The following CARMIL1 variants were observed in gnomAD, a reference collection of about 807,000 sequenced individuals.
CARMIL1 encodes the protein capping protein regulator and myosin 1 linker 1, also known as F-actin-uncapping protein LRRC16A.
A neutral mutation model predicts 177.1 loss-of-function variants in CARMIL1; 90 were observed. The ratio of observed to expected loss-of-function variants is 0.51; its 90% CI spans 0.43 to 0.61. The LOEUF (loss-of-function observed/expected upper bound fraction) is 0.61. Among genes scored for constraint, CARMIL1 ranks in the 20% least tolerant of loss-of-function variants. The pLI, the probability that CARMIL1 is intolerant of heterozygous loss-of-function variation, is 0.00. For synonymous variants in CARMIL1, 577 were observed against 606.2 expected, an observed-to-expected ratio of 0.95 and a Z score of 0.71; for missense variants, 1,380 against 1,667.0, an observed-to-expected ratio of 0.83 and a Z score of 3.00.
intron 2 of CARMIL1, among the ~76,000 whole-genome samples, chr6:25,306,098 C>T (rs1288883036): frequency 1.3e-5 from 2 of 152,260 alleles, no homozygotes; most frequent in African/African-American, 2.4e-5. Flanking sequence ...ACCTCCCCAT[C>T]GCCCCTGACA....
At chr6:25,376,300 G>A (rs1253990919) in intron 2 of CARMIL1, among the ~76,000 whole-genome samples, 3 of 152,112 alleles carry the variant, frequency 2.0e-5, no homozygotes, top group Admixed American at 6.5e-5. Context: ...GGCTGATCTC[G>A]AACTTCCTAC....
chr6:25,381,925 C>G (rs185553796), intron 2 of CARMIL1, among the ~76,000 whole-genome samples: 80 of 152,104 alleles, frequency 5.3e-4, no homozygotes, highest in Admixed American at 1.2e-3. Flanking sequence ...TGGCAACCAC[C>G]AGCCCTCATC....
chr6:25,412,219 T>C (rs953086759), intron 2 of CARMIL1, among the ~76,000 whole-genome samples: 2 of 152,224 alleles, frequency 1.3e-5, no homozygotes, highest in Non-Finnish European at 2.9e-5. Context: ...CTGAGCACTT[T>C]AGGTGTATTA....
At chr6:25,559,965 T>C (rs1810963064) in intron 29 of CARMIL1, among the ~76,000 whole-genome samples, 1 of 152,170 alleles carries the variant, frequency 6.6e-6, no homozygotes, top group Non-Finnish European at 1.5e-5. Context: ...TAAGGGCATG[T>C]TATGTGTAGA....
chr6:25,477,074 A>G (rs1801638050), intron 11 of CARMIL1, among the ~76,000 whole-genome samples: 1 of 149,176 alleles, frequency 6.7e-6, no homozygotes, highest in African/African-American at 2.5e-5. Context: ...GGCGACTGAG[A>G]GAAATTCCGT....
intron 26 of CARMIL1, among the ~76,000 whole-genome samples, chr6:25,549,007 A>G (rs1238387793): frequency 6.6e-6 from 1 of 152,212 alleles, no homozygotes; most frequent in Non-Finnish European, 1.5e-5. Flanking sequence ...GGTGGTGGTA[A>G]GGAACTAACT....
At chr6:25,353,334 G>A (rs1362841394) in intron 2 of CARMIL1, among the ~76,000 whole-genome samples, 1 of 152,170 alleles carries the variant, frequency 6.6e-6, no homozygotes, top group Non-Finnish European at 1.5e-5. Flanking sequence ...AAACTGAGGT[G>A]CAGACAGGGT....
chr6:25,475,428 A>G (rs1801468783), intron 11 of CARMIL1, among the ~76,000 whole-genome samples: 1 of 152,110 alleles, frequency 6.6e-6, no homozygotes, highest in African/African-American at 2.4e-5. Flanking sequence ...TTAAACTCAA[A>G]TCTGCCATAT....
chr6:25,618,868 A>G (rs890247276), intron 36 of CARMIL1, among the ~76,000 whole-genome samples: 1 of 151,114 alleles, frequency 6.6e-6, no homozygotes, highest in Non-Finnish European at 1.5e-5. Flanking sequence ...TAGACTTTAA[A>G]GTATTTATTT....
chr6:25,593,479 G>T (rs1345309860), intron 31 of CARMIL1, among the ~76,000 whole-genome samples: 2 of 152,076 alleles, frequency 1.3e-5, no homozygotes, highest in Non-Finnish European at 1.5e-5. Context: ...TTATTAGTTG[G>T]AAAGTATTCA....
Position 25,279,557 on chromosome 6 carries a change from C to G in CARMIL1, c.-239C>G. Reference sequence around the variant, plus strand: ...CCGCTCCTTATTCAGCCGCCGGGAACTGCGAGGAGGCGTCATGTAGCAGCA... The same window carrying G: ...CCGCTCCTTATTCAGCCGCCGGGAAGTGCGAGGAGGCGTCATGTAGCAGCA... On this transcript the variant is annotated 5_prime_UTR_variant, in exon 1 of 37. Transcript: ENST00000329474. The G allele has an allele frequency of 1.7e-6, 1 of 578,752 alleles. No individual in the cohort carries two copies. Among genetic ancestry groups the G allele is most frequent in the Non-Finnish European group, 3.1e-6 (1 of 323,628 alleles). 35.9% of individuals were successfully genotyped at this position (578,752 alleles called of 1,614,324 possible).
chr6:25,300,821 A>G (rs549763547), intron 2 of CARMIL1, among the ~76,000 whole-genome samples: 55 of 152,346 alleles, frequency 3.6e-4, no homozygotes, highest in Non-Finnish European at 5.7e-4. Context: ...GTAACTAGGT[A>G]ACTAAGTATA....
At chr6:25,360,690 C>T (rs1452688778) in intron 2 of CARMIL1, among the ~76,000 whole-genome samples, 4 of 152,194 alleles carry the variant, frequency 2.6e-5, no homozygotes, top group Non-Finnish European at 5.9e-5. Context: ...TGCAGGGGGA[C>T]TGTTGAGAAA....
At chr6:25,379,763 GCC>G (rs1183656682) in intron 2 of CARMIL1, among the ~76,000 whole-genome samples, 1 of 152,154 alleles carries the variant, frequency 6.6e-6, no homozygotes. Context: ...TCTGTGAATA[GCC>G]TTTTAGCCTG....
chr6:25,559,031 C>T (rs113958562), intron 29 of CARMIL1, among the ~76,000 whole-genome samples: 12 of 152,164 alleles, frequency 7.9e-5, no homozygotes, highest in South Asian at 2.1e-4. Flanking sequence ...AAGTGCAAGT[C>T]GGGATTTTAT....
intron 2 of CARMIL1, among the ~76,000 whole-genome samples, chr6:25,324,137 A>G (rs559476112): frequency 6.6e-6 from 1 of 152,346 alleles, no homozygotes; most frequent in South Asian, 2.1e-4. Context: ...CCACAAAGGA[A>G]CAGACCTGTA....
intron 3 of CARMIL1, among the ~76,000 whole-genome samples, chr6:25,425,289 G>A (rs371076630): frequency 3.9e-5 from 6 of 152,128 alleles, no homozygotes; most frequent in African/African-American, 1.4e-4. Context: ...GAGCTCATCA[G>A]TATACTTCAT....
intron 32 of CARMIL1, among the ~76,000 whole-genome samples, chr6:25,596,856 C>G (rs574890442): frequency 1.3e-5 from 2 of 151,004 alleles, no homozygotes; most frequent in Admixed American, 1.3e-4. Context: ...CACAGACACA[C>G]ACACACACAC....
intron 31 of CARMIL1, among the ~76,000 whole-genome samples, chr6:25,592,132 G>A (rs553014371): frequency 2.0e-5 from 3 of 152,082 alleles, no homozygotes; most frequent in Non-Finnish European, 4.4e-5. Flanking sequence ...GTATGTCCTG[G>A]GGTCGCATCT....
Sources: gnomAD v4.1 joint callset for allele counts (sites outside exome capture counted in the v4.1 genomes callset) on GRCh38, gnomAD v4.1.1 for gene constraint, MANE v1.5 for transcripts, NCBI Gene and HGNC (gene_info 2026-07-23, HGNC 2026-07-21) for gene names.